Variants in PTPRD observed in about 807,000 individuals in gnomAD.
PTPRD encodes protein tyrosine phosphatase receptor type D, also known as receptor-type tyrosine-protein phosphatase delta.
In PTPRD, 34 loss-of-function variants were observed where a neutral mutation model predicts 214.5. That is an observed-to-expected ratio of 0.16 (90% CI 0.12 to 0.21). The LOEUF is 0.21. Among genes scored for constraint, PTPRD ranks in the 10% least tolerant of loss-of-function variants. The pLI is 1.00. For synonymous variants in PTPRD, 1,128 were observed against 845.7 expected (o/e 1.33, Z -5.79); for missense variants, 2,545 against 2,398.7 (o/e 1.06, Z -1.27).
rs2098687538 is a variant in PTPRD at position 8,733,793 on chromosome 9, G to A, written c.51C>T (p.Arg17=). ...LLLLLLTFFL[R]TDAETPPRFT... is the part of the protein sequence containing the mutation. ...AGAATGGCTTACTCTCAGCATCCGT[G>A]CGGAGGAAGAAAGTGAGGAGCAGCA... The change falls in exon 12 of 46, where the codon CGC becomes CGT. Residue 17 remains arginine (R), a synonymous_variant. Coordinates refer to ENST00000381196, the MANE Select transcript of PTPRD (RefSeq NM_002839.4). 1 of 1,552,948 alleles carries A rather than the reference G, an allele frequency of 6.4e-7. No individual in the cohort carries two copies. Among genetic ancestry groups the A allele is most frequent in the Non-Finnish European group, 8.7e-7 (1 of 1,147,590 alleles).
At chr9:9,204,217 T>C (rs1192633486) in intron 9 of PTPRD, among the ~76,000 whole-genome samples, 1 of 152,206 alleles carries the variant, frequency 6.6e-6, no homozygotes, top group Non-Finnish European at 1.5e-5. Flanking sequence ...GTAAATCTGC[T>C]TTGCAGAAAT....
At chr9:9,475,712 A>G (rs1433626388) in intron 8 of PTPRD, among the ~76,000 whole-genome samples, 2 of 152,096 alleles carry the variant, frequency 1.3e-5, no homozygotes, top group Admixed American at 1.3e-4. Flanking sequence ...CTGAATGTTG[A>G]TTTTCATTAG....
chr9:9,434,523 T>C (rs1207254936), intron 8 of PTPRD, among the ~76,000 whole-genome samples: 1 of 152,090 alleles, frequency 6.6e-6, no homozygotes, highest in Non-Finnish European at 1.5e-5. Context: ...AAAAATAAGG[T>C]TCTGAAGTTT....
At chr9:10,361,073 G>A (rs1368326881) in intron 2 of PTPRD, among the ~76,000 whole-genome samples, 2 of 152,142 alleles carry the variant, frequency 1.3e-5, no homozygotes, top group South Asian at 2.1e-4. Context: ...CTGCACTCCA[G>A]CCTGGGCGAC....
At chr9:10,133,683 G>A (rs12347436) in intron 3 of PTPRD, among the ~76,000 whole-genome samples, 36,888 of 151,930 alleles carry the variant, frequency 0.24, 4,748 homozygotes, top group South Asian at 0.37. Context: ...CAAGTAATAT[G>A]TTCACCAATA....
chr9:9,179,711 C>G (rs1047812661), intron 10 of PTPRD, among the ~76,000 whole-genome samples: 24 of 152,156 alleles, frequency 1.6e-4, no homozygotes, highest in African/African-American at 5.5e-4. Flanking sequence ...AAACCTGATT[C>G]TTTTGCCATC....
At chr9:8,460,184 G>C in intron 33 of PTPRD, 1 of 572,316 alleles carries the variant, frequency 1.7e-6, no homozygotes, top group Admixed American at 3.1e-5. Flanking sequence ...GGCCAGAATA[G>C]ATGCATGTTG....
chr9:10,377,549 T>A (rs2097755607), intron 2 of PTPRD, among the ~76,000 whole-genome samples: 1 of 152,040 alleles, frequency 6.6e-6, no homozygotes, highest in South Asian at 2.1e-4. Flanking sequence ...TGTTTGTTTT[T>A]TTTGTCCTTG....
chr9:8,380,332 C>A (rs1336808455), intron 37 of PTPRD, among the ~76,000 whole-genome samples: 2 of 152,060 alleles, frequency 1.3e-5, no homozygotes, highest in Admixed American at 6.6e-5. Context: ...CCAAACAATT[C>A]TCTTCATCTA....
At chr9:8,775,484 A>G (rs933638676) in intron 11 of PTPRD, among the ~76,000 whole-genome samples, 4 of 152,228 alleles carry the variant, frequency 2.6e-5, no homozygotes, top group African/African-American at 7.2e-5. Flanking sequence ...GATGCAGTAC[A>G]TAACAGGTAT....
chr9:9,905,031 G>A (rs2153815928), intron 5 of PTPRD, among the ~76,000 whole-genome samples: 1 of 152,052 alleles, frequency 6.6e-6, no homozygotes, highest in Middle Eastern at 3.4e-3. Context: ...TATATTATCA[G>A]TGTTCTGTTT....
chr9:8,450,319 C>T (rs191438541), intron 33 of PTPRD, among the ~76,000 whole-genome samples: 1 of 152,096 alleles, frequency 6.6e-6, no homozygotes, highest in Admixed American at 6.5e-5. Context: ...GAGTAGATGC[C>T]GTAGATTTTC....
At chr9:9,962,402 A>T (rs2094426032) in intron 4 of PTPRD, among the ~76,000 whole-genome samples, 1 of 152,132 alleles carries the variant, frequency 6.6e-6, no homozygotes, top group African/African-American at 2.4e-5. Context: ...CTATCTATCC[A>T]GCTAAACAAA....
chr9:8,934,481 A>ATATATATAAATT lies in PTPRD; in HGVS notation c.-104+84215_-104+84216insAATTTATATATA, dbSNP rs1451249537. ...TATATATAAATATATATATATAAATATATATATATATAAATATATATATAA... is the reference window on the plus strand; with the variant it reads ...TATATATAAATATATATATATAAATATATATATAAATTTATATATATATAAATATATATATAA... On this transcript the variant is annotated intron_variant, in intron 11 of 45. Transcript: ENST00000381196. Among the ~76,000 whole-genome samples the ATATATATAAATT allele has an allele frequency of 5.9e-3, 38 of 6,468 alleles. 5 individuals carry two copies. Among genetic ancestry groups the ATATATATAAATT allele is most frequent in the South Asian group, 0.03 (3 of 100 alleles). The allele number at this position is 6,468 out of a possible 152,430, so 4.2% of individuals were successfully genotyped here.
At chr9:10,165,984 T>C (rs147654213) in intron 3 of PTPRD, among the ~76,000 whole-genome samples, 1 of 150,174 alleles carries the variant, frequency 6.7e-6, no homozygotes, top group Non-Finnish European at 1.5e-5. Context: ...CATATAAAGC[T>C]ATATATTAAA....
At chr9:10,285,904 G>T (rs373383229) in intron 3 of PTPRD, among the ~76,000 whole-genome samples, 1 of 151,954 alleles carries the variant, frequency 6.6e-6, no homozygotes, top group Non-Finnish European at 1.5e-5. Flanking sequence ...TACTGTGCCC[G>T]GCCGGGGTCT....
At chr9:8,335,086 C>T (rs1295905941) in intron 43 of PTPRD, among the ~76,000 whole-genome samples, 4 of 151,886 alleles carry the variant, frequency 2.6e-5, no homozygotes, top group East Asian at 3.9e-4. Context: ...GGAGTTGGTA[C>T]CATTCCTTCT....
chr9:9,434,312 G>T (rs1391998575), intron 8 of PTPRD, among the ~76,000 whole-genome samples: 1 of 152,120 alleles, frequency 6.6e-6, no homozygotes, highest in African/African-American at 2.4e-5. Context: ...AACCAGGGAG[G>T]TGAAGTATCT....
chr9:8,764,501 A>G (rs1339977410), intron 11 of PTPRD, among the ~76,000 whole-genome samples: 1 of 152,140 alleles, frequency 6.6e-6, no homozygotes, highest in Non-Finnish European at 1.5e-5. Flanking sequence ...GACACTCTAA[A>G]GAATGGGTTA....
Sources: gnomAD v4.1 joint callset for allele counts (sites outside exome capture counted in the v4.1 genomes callset) on GRCh38, gnomAD v4.1.1 for gene constraint, MANE v1.5 for transcripts, NCBI Gene and HGNC (gene_info 2026-07-23, HGNC 2026-07-21) for gene names.